Variants in ATP2B2 observed in about 807,000 individuals in gnomAD.
The protein encoded by ATP2B2 is plasma membrane calcium-transporting ATPase 2.
ATP2B2 carries 15 observed loss-of-function variants against 120.0 expected under a neutral mutation model. That is an observed-to-expected ratio of 0.12 (90% CI 0.08 to 0.19). The LOEUF is 0.19. Among genes scored for constraint, ATP2B2 ranks in the 10% least tolerant of loss-of-function variants. The probability of loss-of-function intolerance (pLI) is 1.00; values close to 1 mark genes in which losing one functional copy is unlikely to be tolerated. For synonymous variants in ATP2B2, 694 were observed against 700.3 expected (o/e 0.99, Z 0.14); for missense variants, 1,045 against 1,719.8 (o/e 0.61, Z 6.94).
upstream of ATP2B2, among the ~76,000 whole-genome samples, chr3:10,507,346 TG>T (rs1320484670): frequency 2.6e-5 from 4 of 152,030 alleles, no homozygotes; most frequent in African/African-American, 9.7e-5. Context: ...GGGGTGTAGT[TG>T]GGGGGATTCC....
At chr3:10,420,203 G>C (rs1241866675) in intron 2 of ATP2B2, among the ~76,000 whole-genome samples, 1 of 152,206 alleles carries the variant, frequency 6.6e-6, no homozygotes, top group East Asian at 1.9e-4. Flanking sequence ...AGAGTGGGTA[G>C]CTTGCACAGG....
intron 2 of ATP2B2, among the ~76,000 whole-genome samples, chr3:10,535,620 GT>G (rs1438983901): frequency 1.3e-5 from 2 of 152,046 alleles, no homozygotes; most frequent in Non-Finnish European, 2.9e-5. Context: ...GAGTCATGTG[GT>G]ATATAACCTT....
intron 3 of ATP2B2, among the ~76,000 whole-genome samples, chr3:10,526,359 G>A (rs974561101): frequency 1.3e-5 from 2 of 152,174 alleles, no homozygotes; most frequent in African/African-American, 2.4e-5. Context: ...GGAAGCTGGG[G>A]TTCCAATCAT....
chr3:10,465,322 G>T (rs1004956192), intron 1 of ATP2B2, among the ~76,000 whole-genome samples: 1 of 152,234 alleles, frequency 6.6e-6, no homozygotes, highest in Non-Finnish European at 1.5e-5. Context: ...GCCCTGCCAA[G>T]CTCTGCTCCC....
chr3:10,411,016 C>A (rs995211552), intron 2 of ATP2B2, among the ~76,000 whole-genome samples: 1 of 152,122 alleles, frequency 6.6e-6, no homozygotes, highest in African/African-American at 2.4e-5. Flanking sequence ...TGAATGGCAG[C>A]CTCCAAAATA....
At chr3:10,704,619 C>G (rs180731614) in intron 1 of ATP2B2, among the ~76,000 whole-genome samples, 1 of 152,212 alleles carries the variant, frequency 6.6e-6, no homozygotes, top group Admixed American at 6.5e-5. Flanking sequence ...CCAAATATTT[C>G]TAGCCTGATT....
intron 1 of ATP2B2, among the ~76,000 whole-genome samples, chr3:10,455,085 G>A (rs2064203055): frequency 6.6e-6 from 1 of 152,220 alleles, no homozygotes; most frequent in South Asian, 2.1e-4. Flanking sequence ...AATATTTGGT[G>A]TTGGGTCTAC....
At chr3:10,655,098 C>A (rs1293422710) in intron 1 of ATP2B2, among the ~76,000 whole-genome samples, 1 of 152,194 alleles carries the variant, frequency 6.6e-6, no homozygotes, top group Admixed American at 6.5e-5. Context: ...ATATGCCTGG[C>A]AAAACATGAA....
At chr3:10,702,097 T>C (rs1459493423) in intron 1 of ATP2B2, among the ~76,000 whole-genome samples, 1 of 152,134 alleles carries the variant, frequency 6.6e-6, no homozygotes, top group Non-Finnish European at 1.5e-5. Flanking sequence ...ACCAGTGGGC[T>C]TCCCGCTACC....
intron 1 of ATP2B2, among the ~76,000 whole-genome samples, chr3:10,697,139 A>T (rs1436176773): frequency 6.6e-6 from 1 of 152,112 alleles, no homozygotes; most frequent in Non-Finnish European, 1.5e-5. Context: ...ATCCTATTAC[A>T]AACACCTCTC....
chr3:10,565,212 A>T (rs891431351), intron 2 of ATP2B2, among the ~76,000 whole-genome samples: 5 of 152,150 alleles, frequency 3.3e-5, no homozygotes, highest in African/African-American at 1.2e-4. Context: ...TAGAGCAGCC[A>T]ATTTAGACCC....
chr3:10,483,789 A>G (rs905944982), intron 1 of ATP2B2, among the ~76,000 whole-genome samples: 2 of 152,218 alleles, frequency 1.3e-5, no homozygotes, highest in African/African-American at 4.8e-5. Flanking sequence ...AAAAACTTCC[A>G]AAAAGAAACT....
chr3:10,371,923 A>G lies in ATP2B2; in HGVS notation c.1545T>C (p.Tyr515=). 6.2e-7 allele frequency: 1 copy of G among 1,614,236 alleles called. No individual in the cohort carries two copies. The highest frequency in any genetic ancestry group is 1.7e-5 in the Admixed American group (1 of 60,032). Residue 515 remains tyrosine (Y), a synonymous_variant, in exon 12 of 23, where the codon TAT becomes TAC. Coordinates refer to ENST00000360273, the MANE Select transcript of ATP2B2 (RefSeq NM_001001331.4). Reference sequence around the variant, plus strand: ...TCTCTTTATAGTGGACGTCGCCGACATAGGCCTGTACCACTGTCATGCGAT... The same window carrying G: ...TCTCTTTATAGTGGACGTCGCCGACGTAGGCCTGTACCACTGTCATGCGAT... ...TTNRMTVVQA[Y]VGDVHYKEIP... is the part of the protein sequence containing the mutation.
upstream of ATP2B2, among the ~76,000 whole-genome samples, chr3:10,507,581 G>C (rs1040188484): frequency 1.3e-5 from 2 of 152,220 alleles, no homozygotes; most frequent in Non-Finnish European, 2.9e-5. Context: ...CTACATGTCT[G>C]TGCCAGGAAT....
intron 2 of ATP2B2, among the ~76,000 whole-genome samples, chr3:10,419,080 C>T (rs2062885558): frequency 6.6e-6 from 1 of 152,212 alleles, no homozygotes; most frequent in South Asian, 2.1e-4. Flanking sequence ...TTCTCAGAGC[C>T]ACAGTGTTCA....
intron 2 of ATP2B2, among the ~76,000 whole-genome samples, chr3:10,544,992 G>A (rs1174862920): frequency 6.6e-6 from 1 of 152,168 alleles, no homozygotes; most frequent in Admixed American, 6.5e-5. Context: ...ATGCCCAACA[G>A]CCAGAGAATG....
intron 1 of ATP2B2, among the ~76,000 whole-genome samples, chr3:10,464,535 C>T (rs998408403): frequency 1.3e-5 from 2 of 152,164 alleles, no homozygotes; most frequent in Admixed American, 6.5e-5. Flanking sequence ...ATCTGGAATG[C>T]CCTCTCCTCT....
In ATP2B2 at chr3:10,327,850, T is replaced by C. The variant is rs995228495; in HGVS notation, c.*964A>G. ...TGAGCCTCTCACGGTAGTGACATTATTGAACGGAAATAGCAGGCAAAAATC... is the reference window on the plus strand; with the variant it reads ...TGAGCCTCTCACGGTAGTGACATTACTGAACGGAAATAGCAGGCAAAAATC... On this transcript the variant is annotated 3_prime_UTR_variant, in exon 23 of 23. Coordinates refer to ENST00000360273, the MANE Select transcript of ATP2B2 (RefSeq NM_001001331.4). The C allele has an allele frequency of 2.0e-5, 3 of 152,614 alleles. No individual in the cohort carries two copies. Among genetic ancestry groups the C allele is most frequent in the Non-Finnish European group, 4.4e-5 (3 of 68,032 alleles). 9.5% of individuals were successfully genotyped at this position (152,614 alleles called of 1,614,324 possible).
intron 10 of ATP2B2, among the ~76,000 whole-genome samples, chr3:10,377,175 T>C (rs958861313): frequency 6.6e-6 from 1 of 152,248 alleles, no homozygotes; most frequent in East Asian, 1.9e-4. Flanking sequence ...CCCGGCCCTG[T>C]CAGTGCCATG....
Sources: gnomAD v4.1 joint callset for allele counts (sites outside exome capture counted in the v4.1 genomes callset) on GRCh38, gnomAD v4.1.1 for gene constraint, MANE v1.5 for transcripts, NCBI Gene and HGNC (gene_info 2026-07-23, HGNC 2026-07-21) for gene names.